RDH10: variants seen among roughly 807,000 people sequenced by gnomAD.
The protein encoded by RDH10 is retinol dehydrogenase 10 (all-trans).
In RDH10, 12 loss-of-function variants were observed where a neutral mutation model predicts 30.2. That is an observed-to-expected ratio of 0.40 (90% CI 0.25 to 0.64). RDH10 has a LOEUF of 0.64. Among genes scored for constraint, RDH10 ranks in the 30% least tolerant of loss-of-function variants. The pLI is 0.43. For synonymous variants in RDH10, 189 were observed against 172.2 expected, an observed-to-expected ratio of 1.10 and a Z score of -0.76; for missense variants, 268 against 445.2, an observed-to-expected ratio of 0.60 and a Z score of 3.58.
chr8:73,299,288 T>G (rs1814336445), intron 2 of RDH10, among the ~76,000 whole-genome samples: 3 of 152,332 alleles, frequency 2.0e-5, no homozygotes, highest in South Asian at 4.1e-4. Context: ...TTAAAGTCCT[T>G]GCTGTGGCTG....
At chr8:73,321,851 G>C (rs1814775602) in intron 4 of RDH10, 2 of 456,162 alleles carry the variant, frequency 4.4e-6, no homozygotes, top group Admixed American at 2.3e-5. Context: ...AGCAAAATAG[G>C]TGGAAGGTGA....
rs537454443 is a variant in RDH10, at chr8:73,308,806, AAG to A, written c.526-10287_526-10286del. Among the ~76,000 whole-genome samples, 169 of 152,308 alleles carry A rather than the reference AAG, an allele frequency of 1.1e-3. 1 individual carries two copies. Among genetic ancestry groups the A allele is most frequent in the African/African-American group, 4.0e-3 (165 of 41,562 alleles). On this transcript the variant is annotated intron_variant, in intron 2 of 5. Transcript: ENST00000240285. The stretch of plus-strand genomic sequence containing the variant: ...AGGGGTAGGAGGCACTGGGAACAGA[AAG>A]AGGATCAATTATATTGCCTGTTTCA...
At chr8:73,302,392 A>G (rs1412919809) in intron 2 of RDH10, among the ~76,000 whole-genome samples, 2 of 152,204 alleles carry the variant, frequency 1.3e-5, no homozygotes, top group Non-Finnish European at 2.9e-5. Context: ...AACTTGAAAG[A>G]TACCTCTCTT....
At chr8:73,302,846 T>C (rs1342758334) in intron 2 of RDH10, among the ~76,000 whole-genome samples, 1 of 152,252 alleles carries the variant, frequency 6.6e-6, no homozygotes, top group African/African-American at 2.4e-5. Context: ...AGCCAAAGTT[T>C]ATCTGTAGAT....
chr8:73,296,384 A>T (rs958543824), intron 1 of RDH10, among the ~76,000 whole-genome samples: 1 of 152,086 alleles, frequency 6.6e-6, no homozygotes, highest in African/African-American at 2.4e-5. Context: ...TGACTTGGGC[A>T]CTTCTCCCCT....
At position 73,297,200 on chromosome 8, in the gene RDH10, ATGG is replaced by A; in HGVS notation, c.299_301del (p.Gly100del). 1 of 1,599,368 alleles carries A rather than the reference ATGG, an allele frequency of 6.3e-7. No individual in the cohort carries two copies. The highest frequency in any genetic ancestry group is 8.6e-7 in the Non-Finnish European group (1 of 1,166,512). On this transcript the variant is annotated inframe_deletion, in exon 2 of 6. Transcript: ENST00000240285. ...TCTGGACTTCTGAGGACAGCTGGGA[ATGG>A]TGAGGAAGAAATTCTGCCCCACTGT...
At chr8:73,321,896 A>C (rs760508194) in intron 4 of RDH10, 1 of 456,278 alleles carries the variant, frequency 2.2e-6, no homozygotes, top group Non-Finnish European at 4.4e-6. Context: ...TGGAGTCCCA[A>C]GTCTGACCTG....
intron 2 of RDH10, among the ~76,000 whole-genome samples, chr8:73,315,139 C>CG (rs1814636888): frequency 1.5e-5 from 2 of 136,542 alleles, no homozygotes; most frequent in Admixed American, 1.6e-4. Context: ...CTCTCCCCAC[C>CG]GGCCTCCTCT....
rs968576839 is a variant in RDH10 at position 73,324,301 on chromosome 8, A to G, written c.*1265A>G. ...GTAGAACAGCAAATGACATTTTTAC[A>G]GTATTTTTTTGTAAAGCAAACTATT... On this transcript the variant is annotated 3_prime_UTR_variant, in exon 6 of 6. Transcript: ENST00000240285. 1 of 152,694 alleles carries G rather than the reference A, an allele frequency of 6.5e-6. No individual in the cohort carries two copies. Among genetic ancestry groups the G allele is most frequent in the East Asian group, 1.9e-4 (1 of 5,202 alleles). 9.5% of individuals were successfully genotyped at this position (152,694 alleles called of 1,614,324 possible).
At chr8:73,298,417 G>C (rs150583971) in intron 2 of RDH10, among the ~76,000 whole-genome samples, 4 of 152,102 alleles carry the variant, frequency 2.6e-5, no homozygotes, top group African/African-American at 9.6e-5. Flanking sequence ...AACTTAATCT[G>C]GCATTAAAAG....
At chr8:73,317,987 C>T (rs1357502363) in intron 2 of RDH10, among the ~76,000 whole-genome samples, 1 of 141,006 alleles carries the variant, frequency 7.1e-6, no homozygotes, top group African/African-American at 2.6e-5. Context: ...TCAGTGATAC[C>T]GTAGCCAGCA....
chr8:73,310,018 G>A (rs1814535576), intron 2 of RDH10, among the ~76,000 whole-genome samples: 1 of 152,180 alleles, frequency 6.6e-6, no homozygotes, highest in Non-Finnish European at 1.5e-5. Context: ...GAGGGACGTT[G>A]CCTCCTGATG....
chr8:73,301,042 C>CTTTTTTTTTT (rs57107587), intron 2 of RDH10, among the ~76,000 whole-genome samples: 1 of 87,238 alleles, frequency 1.1e-5, no homozygotes, highest in Non-Finnish European at 2.1e-5. Context: ...AAACTCTATT[C>CTTTTTTTTTT]TTTTTTTTTT....
At chr8:73,306,546 C>T (rs959207274) in intron 2 of RDH10, among the ~76,000 whole-genome samples, 6 of 152,216 alleles carry the variant, frequency 3.9e-5, no homozygotes, top group Non-Finnish European at 8.8e-5. Flanking sequence ...GCAAATGCTG[C>T]TAGAATATTT....
rs762330380 is a variant in RDH10, at chr8:73,322,961, G to A, written c.951G>A (p.Ala317=). 1.7e-5 allele frequency: 27 copies of A among 1,613,778 alleles called. No homozygotes were observed. Among genetic ancestry groups the A allele is most frequent in the Admixed American group, 3.3e-5 (2 of 59,982 alleles). Reference sequence around the variant, plus strand: ...TGTGCATGTATCGGTTCCTAGGAGCGGACAAGTGTATGTACCCCTTTATTG... The same window carrying A: ...TGTGCATGTATCGGTTCCTAGGAGCAGACAAGTGTATGTACCCCTTTATTG... ...AVVCMYRFLG[A]DKCMYPFIAQ... is the part of the protein sequence containing the mutation. Residue 317 remains alanine, a synonymous_variant, in exon 6 of 6, where the codon GCG becomes GCA. Coordinates refer to ENST00000240285, the MANE Select transcript of RDH10 (RefSeq NM_172037.5).
chr8:73,302,600 G>A (rs1008244630), intron 2 of RDH10, among the ~76,000 whole-genome samples: 4 of 152,208 alleles, frequency 2.6e-5, no homozygotes, highest in African/African-American at 9.7e-5. Flanking sequence ...CAGGAGGCTG[G>A]CTTGAGCCCA....
At chr8:73,309,610 CTT>C (rs5892406) in intron 2 of RDH10, among the ~76,000 whole-genome samples, 3,941 of 120,498 alleles carry the variant, frequency 0.033, 65 homozygotes, top group Middle Eastern at 0.083. Context: ...AAGTTGTTGC[CTT>C]TTTTTTTTTT....
At chr8:73,320,637 A>T (rs1313840138) in intron 3 of RDH10, among the ~76,000 whole-genome samples, 3 of 151,862 alleles carry the variant, frequency 2.0e-5, no homozygotes, top group Non-Finnish European at 4.4e-5. Flanking sequence ...ATGCCCAGCT[A>T]ATTTTTGTAT....
At position 73,294,861 on chromosome 8, in the gene RDH10, T is replaced by C; in HGVS notation, c.-429T>C. 2.6e-6 allele frequency: 1 copy of C among 389,194 alleles called. No homozygotes were observed. Among genetic ancestry groups the C allele is most frequent in the Admixed American group, 4.5e-5 (1 of 22,434 alleles). The allele number at this position is 389,194 out of a possible 1,614,324, so 24.1% of individuals were successfully genotyped here. On this transcript the variant is annotated 5_prime_UTR_variant, in exon 1 of 6. Transcript: ENST00000240285. ...GCCCGCTGGCCCGTGCCGCCTCCGC[T>C]GCGCACCCCTCCCCCGGGGTGAGAG...
Sources: gnomAD v4.1 joint callset for allele counts (sites outside exome capture counted in the v4.1 genomes callset) on GRCh38, gnomAD v4.1.1 for gene constraint, MANE v1.5 for transcripts, NCBI Gene and HGNC (gene_info 2026-07-23, HGNC 2026-07-21) for gene names.